The following LRRC73 variants were observed in gnomAD, a reference collection of about 807,000 sequenced individuals.
The protein encoded by LRRC73 is leucine rich repeat containing 73.
Under a neutral mutation model 26.4 loss-of-function variants are expected in LRRC73, and 16 were observed. The ratio of observed to expected loss-of-function variants is 0.61; its 90% CI spans 0.41 to 0.92. The LOEUF (loss-of-function observed/expected upper bound fraction) is 0.92. Among genes scored for constraint, LRRC73 ranks in the 40% least tolerant of loss-of-function variants. The probability of loss-of-function intolerance (pLI) is 0.00; values close to 1 mark genes in which losing one functional copy is unlikely to be tolerated. For missense variants in LRRC73, 344 were observed against 416.3 expected (o/e 0.83, Z 1.51); for synonymous variants, 210 against 179.8 (o/e 1.17, Z -1.34).
exon 1 of LRRC73, chr6:43,510,032 G>A: frequency 3.4e-6 from 1 of 298,044 alleles, no homozygotes; most frequent in Non-Finnish European, 6.1e-6. Context: ...CGCGGGCCGG[G>A]CTGAAGTGGG....
chr6:43,507,857 T>TC lies in LRRC73; in HGVS notation c.625dup (p.Glu209GlyfsTer31). 1 of 1,613,844 alleles carries TC rather than the reference T, an allele frequency of 6.2e-7. No homozygotes were observed. ...TGACTGGTTGGTGAGCCCTGTGCCC[T>TC]CCAAGTCTAGGACCTCTAGGGTACG... On this transcript the variant is annotated frameshift_variant, in exon 4 of 6. Coordinates refer to ENST00000372441, the Ensembl canonical transcript of LRRC73. LOFTEE classifies it high-confidence loss of function.
At chr6:43,508,050 G>T in intron 3 of LRRC73, 124 bp from the exon 4 acceptor site, 2 of 1,036,172 alleles carry the variant, frequency 1.9e-6, no homozygotes, top group Non-Finnish European at 2.8e-6. Context: ...ACAATTGGTG[G>T]TGGTCAGGAA....
exon 1 of LRRC73, chr6:43,509,905 G>A (rs1792612210): frequency 6.2e-6 from 5 of 805,564 alleles, no homozygotes; most frequent in African/African-American, 1.8e-5. Flanking sequence ...GAGTGGGGCC[G>A]GGGGTGGAGG....
At chr6:43,509,731 G>A (rs1172119195) in exon 1 of LRRC73, 2 of 1,589,012 alleles carry the variant, frequency 1.3e-6, no homozygotes, top group African/African-American at 1.3e-5. Flanking sequence ...CAGATGTCCC[G>A]CACCTCGGCG....
exon 6 of LRRC73, chr6:43,507,123 C>T: frequency 9.5e-7 from 1 of 1,057,850 alleles, no homozygotes; most frequent in Non-Finnish European, 1.4e-6. Flanking sequence ...GCCAGAGCCC[C>T]CATGCAGCCC....
rs371675700 is a variant in LRRC73 at position 43,508,286 on chromosome 6, C to T, written c.556+12G>A. On this transcript the variant is annotated intron_variant, in intron 3 of 5. Transcript: ENST00000372441. Reference sequence around the variant, plus strand: ...GGCAGTGACAGCCCAAGGGGGTATTCTTGAGCCTCACCCAGGGGGTTGTAA... The same window carrying T: ...GGCAGTGACAGCCCAAGGGGGTATTTTTGAGCCTCACCCAGGGGGTTGTAA... 1 of 1,606,256 alleles carries T rather than the reference C, an allele frequency of 6.2e-7. No homozygotes were observed. Among genetic ancestry groups the T allele is most frequent in the Non-Finnish European group, 8.5e-7 (1 of 1,175,838 alleles).
chr6:43,509,636 C>T, exon 1 of LRRC73: 2 of 1,601,802 alleles, frequency 1.2e-6, no homozygotes, highest in Non-Finnish European at 1.7e-6. Context: ...CGGCCAGGGC[C>T]CGGCAGATGC....
exon 6 of LRRC73, chr6:43,506,990 G>T: frequency 1.9e-6 from 1 of 523,606 alleles, no homozygotes. Context: ...AATCTTTTCC[G>T]AGCCAGCGGG....
In LRRC73 at chr6:43,507,389, C is replaced by T. The variant is rs1345657128; in HGVS notation, c.880+67G>A. 4.4e-6 allele frequency: 7 copies of T among 1,608,368 alleles called. No homozygotes were observed. The African/African-American group carries it at 9.4e-5, about 22-fold the overall frequency. ...CAGATAGGTGAGAGCCTAGGTTCTG[C>T]ACACCCACTCTCCCTTGTCCCGAGC... On this transcript the variant is annotated intron_variant, in intron 5 of 5. Transcript: ENST00000372441.
chr6:43,509,055 G>A (rs1392430301), intron 1 of LRRC73, 135 bp from the exon 2 acceptor site: 1 of 827,342 alleles, frequency 1.2e-6, no homozygotes, highest in South Asian at 2.3e-5. Context: ...AAAGGAGAAG[G>A]AAAGTTCTAG....
chr6:43,508,621 C>G lies in LRRC73; in HGVS notation c.433+139G>C, dbSNP rs540980146. The G allele has an allele frequency of 2.0e-5, 28 of 1,396,504 alleles. No individual in the cohort carries two copies. The Admixed American group carries it at 2.1e-4, about 10-fold the overall frequency. The allele number at this position is 1,396,504 out of a possible 1,614,324, so 86.5% of individuals were successfully genotyped here. A position where few individuals can be genotyped will look rare whatever the true frequency, so the allele number is the denominator to read the frequency against. ...ATTCCTGAGTCTCCATGCTGCCCCC[C>G]GTCCTGCCCCTTCCTGAGAGGAGTA... On this transcript the variant is annotated intron_variant, in intron 2 of 5. Transcript: ENST00000372441.
At chr6:43,509,823 C>A (rs1287143749) in exon 1 of LRRC73, 3 of 1,454,018 alleles carry the variant, frequency 2.1e-6, no homozygotes, top group African/African-American at 1.5e-5. Context: ...GGGGCCGGAA[C>A]GGAGGTTGGT....
At position 43,507,045 on chromosome 6, in the gene LRRC73, A is replaced by G. The variant is rs978812938; in HGVS notation, c.*193T>C. 37 of 609,200 alleles carry G rather than the reference A, an allele frequency of 6.1e-5. No homozygotes were observed. In the African/African-American group the frequency reaches 6.5e-4, roughly 11 times the overall value. 37.7% of individuals were successfully genotyped at this position (609,200 alleles called of 1,614,324 possible). The stretch of plus-strand genomic sequence containing the variant: ...GTTCAAAGGCATTGCCGTGGGTTCA[A>G]GTGCCCCCCAAGGCTGTTGCTCAGT... On this transcript the variant is annotated 3_prime_UTR_variant, in exon 6 of 6. Coordinates refer to ENST00000372441, the Ensembl canonical transcript of LRRC73.
chr6:43,509,858 A>G (rs1582168703), exon 1 of LRRC73: 2 of 1,335,896 alleles, frequency 1.5e-6, no homozygotes, highest in East Asian at 3.0e-5. Context: ...GGCCGGGGAT[A>G]GGGCCGGGGT....
intron 4 of LRRC73, 31 bp from the exon 5 acceptor site, chr6:43,507,709 AAC>A: frequency 6.2e-7 from 1 of 1,609,812 alleles, no homozygotes; most frequent in Non-Finnish European, 8.5e-7. Context: ...GAAAAGGATG[AAC>A]ACAGTTAAGG....
chr6:43,509,169 A>C (rs1582168051), intron 1 of LRRC73, among the ~76,000 whole-genome samples: 2 of 152,098 alleles, frequency 1.3e-5, no homozygotes, highest in East Asian at 3.9e-4. Context: ...TGGGTGGTGG[A>C]CCGGAACTCT....
chr6:43,508,734 C>G, intron 2 of LRRC73, 26 bp downstream of exon 2: 1 of 1,578,268 alleles, frequency 6.3e-7, no homozygotes. Flanking sequence ...CACACTAGCC[C>G]AAGCCCTCAA....
chr6:43,507,427 T>C, intron 5 of LRRC73, 29 bp downstream of exon 5: 1 of 1,611,906 alleles, frequency 6.2e-7, no homozygotes, highest in Non-Finnish European at 8.5e-7. Flanking sequence ...CTTCCAGACC[T>C]GGCTCTGATC....
rs1375067558 is a variant in LRRC73 at position 43,509,726 on chromosome 6, G to A, written c.60C>T (p.Asp20=). ...CGTTGTCGCGAAGGCCGCGGCAGAT[G>A]TCCCGCACCTCGGCGCCGGACAGCG... Residue 20 remains aspartate, a synonymous_variant, in exon 1 of 6, where the codon GAC becomes GAT. Transcript: ENST00000372441. 5.0e-6 allele frequency: 8 copies of A among 1,590,854 alleles called. No individual in the cohort carries two copies. The South Asian group carries it at 6.7e-5, about 13-fold the overall frequency.
Sources: gnomAD v4.1 joint callset for allele counts (sites outside exome capture counted in the v4.1 genomes callset) on GRCh38, gnomAD v4.1.1 for gene constraint, MANE v1.5 for transcripts, NCBI Gene and HGNC (gene_info 2026-07-23, HGNC 2026-07-21) for gene names.